The following PPP2R3B variants were observed in gnomAD, a reference collection of about 807,000 sequenced individuals.
PPP2R3B encodes serine/threonine-protein phosphatase 2A regulatory subunit B'' subunit beta.
A neutral mutation model predicts 72.9 loss-of-function variants in PPP2R3B; 68 were observed. That is an observed-to-expected ratio of 0.93 (90% CI 0.77 to 1.14). PPP2R3B has a LOEUF of 1.14. PPP2R3B is among the 50% of genes most tolerant of loss of function. The probability of loss-of-function intolerance (pLI) is 0.00; values close to 1 mark genes in which losing one functional copy is unlikely to be tolerated. For missense variants in PPP2R3B, 1,018 were observed against 842.0 expected (o/e 1.21, Z -2.59); for synonymous variants, 466 against 375.8 (o/e 1.24, Z -2.78).
chrX:336,358 G>A (rs2070889192), intron 12 of PPP2R3B: 3 of 152,212 alleles, frequency 2.0e-5, no homozygotes, highest in East Asian at 1.9e-4. Context: ...CCCCCACTGC[G>A]AGAAAGCCCC....
intron 4 of PPP2R3B, 96 bp downstream of exon 4, chrX:347,138 G>T (rs1194026410): frequency 2.5e-6 from 3 of 1,180,516 alleles, no homozygotes; most frequent in Non-Finnish European, 3.8e-6. Flanking sequence ...GGGATGAGGC[G>T]TGTGGTGTAG....
Position 361,471 on chromosome X carries a change from G to T in PPP2R3B, c.444C>A (p.Ile148=), listed in dbSNP as rs778150774. 17 of 1,613,870 alleles carry T rather than the reference G, an allele frequency of 1.1e-5. No homozygotes were observed. Among genetic ancestry groups the T allele is most frequent in the African/African-American group, 9.3e-5 (7 of 74,928 alleles). ...SVNVDAVISK[I]ESTFARFPHE... is the part of the protein sequence containing the mutation. Reference sequence around the variant, plus strand: ...GGGGGAACCGGGCGAAGGTGCTCTCGATCTTGCTGATGACGGCATCCACGT... The same window carrying T: ...GGGGGAACCGGGCGAAGGTGCTCTCTATCTTGCTGATGACGGCATCCACGT... Residue 148 remains isoleucine (I), a synonymous_variant, in exon 2 of 13, where the codon ATC becomes ATA. Transcript: ENST00000390665.
chrX:359,071 T>C (rs2071492815), intron 2 of PPP2R3B, among the ~76,000 whole-genome samples: 2 of 152,126 alleles, frequency 1.3e-5, no homozygotes, highest in African/African-American at 4.8e-5. Flanking sequence ...GCGAGCGGCT[T>C]TGTAGGACCC....
intron 1 of PPP2R3B, among the ~76,000 whole-genome samples, chrX:380,911 C>T (rs1357834832): frequency 2.0e-5 from 3 of 150,726 alleles, no homozygotes; most frequent in African/African-American, 7.3e-5. Flanking sequence ...CTTGCAGCAT[C>T]AGCCCATCGA....
At chrX:345,778 C>A (rs963829979) in intron 6 of PPP2R3B, 106 bp from the exon 7 acceptor site, 1 of 214,560 alleles carries the variant, frequency 4.7e-6, no homozygotes, top group African/African-American at 3.9e-5. Flanking sequence ...GGGGCCGCTC[C>A]GTGGGTGGGG....
At chrX:381,833 T>C (rs1052044922) in intron 1 of PPP2R3B, among the ~76,000 whole-genome samples, 5 of 151,772 alleles carry the variant, frequency 3.3e-5, no homozygotes, top group Admixed American at 2.0e-4. Flanking sequence ...CTCCTGACCT[T>C]GTGATCCGCC....
chrX:384,261 A>ACTCTCT (rs766359373), intron 1 of PPP2R3B, among the ~76,000 whole-genome samples: 5 of 142,454 alleles, frequency 3.5e-5, no homozygotes, highest in Admixed American at 7.0e-5. Context: ...ACGCAAGAAG[A>ACTCTCT]CTCTCTCTCT....
chrX:356,819 A>ACACAGAGAGCCC (rs1569397697), intron 2 of PPP2R3B, among the ~76,000 whole-genome samples: 1 of 120,866 alleles, frequency 8.3e-6, no homozygotes, highest in Non-Finnish European at 1.8e-5. Flanking sequence ...CTGGCCAGCC[A>ACACAGAGAGCCC]CACGGGAGCC....
At position 346,201 on chromosome X, in the gene PPP2R3B, G is replaced by C; in HGVS notation, c.852C>G (p.Ala284=). 2 of 1,566,828 alleles carry C rather than the reference G, an allele frequency of 1.3e-6. No individual in the cohort carries two copies. The highest frequency in any genetic ancestry group is 2.4e-5 in the East Asian group (1 of 41,978). The part of the protein sequence containing the change: ...NRSWSGRITC[A]ELRRSSFLQN... ...GCAGGAAGGAGCTCCTCCGCAGCTC[G>C]GCGCAGGTGATCCTGCCGGACCAGG... Residue 284 remains alanine (A), a synonymous_variant, in exon 6 of 13, where the codon GCC becomes GCG. Transcript: ENST00000390665.
chrX:364,192 C>T (rs1000709142), intron 1 of PPP2R3B, among the ~76,000 whole-genome samples: 2 of 152,214 alleles, frequency 1.3e-5, no homozygotes, highest in Non-Finnish European at 2.9e-5. Flanking sequence ...GCGTCACCTT[C>T]AGTGGGAAGA....
At position 361,570 on chromosome X, in the gene PPP2R3B, C is replaced by T. The variant is rs2071541984; in HGVS notation, c.345G>A (p.Glu115=). The change falls in exon 2 of 13, where the codon GAG becomes GAA. Residue 115 remains glutamate (E), a synonymous_variant. Transcript: ENST00000390665. ...GTRVVQTRKE[E]PLPPATSQSI... is the part of the protein sequence containing the mutation. ...TTTGGCTCGTGGCCGGGGGCAGAGG[C>T]TCTTCTTTCCGTGTCTGAACCTGAA... is the stretch of plus-strand genomic sequence containing the variant. 4 of 1,613,954 alleles carry T rather than the reference C, an allele frequency of 2.5e-6. No individual in the cohort carries two copies. Among genetic ancestry groups the T allele is most frequent in the Non-Finnish European group, 3.4e-6 (4 of 1,179,828 alleles).
chrX:350,527 AG>A (rs1383843741), intron 2 of PPP2R3B, among the ~76,000 whole-genome samples: 12 of 149,492 alleles, frequency 8.0e-5, no homozygotes, highest in African/African-American at 3.1e-4. Context: ...AGTGAGAAAG[AG>A]GCCCGAACAC....
intron 4 of PPP2R3B, 133 bp downstream of exon 4, chrX:347,101 G>T: frequency 9.1e-7 from 1 of 1,098,492 alleles, no homozygotes; most frequent in South Asian, 1.3e-5. Flanking sequence ...CATGAGGTGT[G>T]CGGTGTAGAC....
Position 334,478 on chromosome X carries a change from A to C in PPP2R3B, c.1617T>G (p.Ser539Arg). 1 of 1,586,658 alleles carries C rather than the reference A, an allele frequency of 6.3e-7. No individual in the cohort carries two copies. The change falls in exon 13 of 13, where the codon AGT (serine) becomes AGG (arginine). Residue 539 changes from serine (S) to arginine (R), a missense_variant. By Grantham distance (110) the Ser-to-Arg change is moderately radical. Coordinates refer to ENST00000390665, the MANE Select transcript of PPP2R3B (RefSeq NM_013239.5). ...AELSPVEQKL[S>R]ALRSPLAQRP... is the part of the protein sequence containing the mutation. ...TCTGGGCCAGCGGGGAGCGCAGCGC[A>C]CTCAGCTTCTGCTCCACAGGGCTGA...
At chrX:342,290 G>T (rs1490092184) in intron 7 of PPP2R3B, 1 of 407,828 alleles carries the variant, frequency 2.5e-6, no homozygotes, top group Non-Finnish European at 4.5e-6. Flanking sequence ...TCACCAACGG[G>T]AGACGGGAGT....
chrX:346,447 G>C (rs754183375), intron 5 of PPP2R3B, 187 bp from the exon 6 acceptor site: 11 of 648,736 alleles, frequency 1.7e-5, no homozygotes, highest in South Asian at 6.0e-5. Context: ...AGCGGGGAGG[G>C]TCTGGCCGGG....
At chrX:349,261 G>A (rs2071281749) in intron 2 of PPP2R3B, among the ~76,000 whole-genome samples, 1 of 152,078 alleles carries the variant, frequency 6.6e-6, no homozygotes, top group Non-Finnish European at 1.5e-5. Flanking sequence ...GGACGCAGCG[G>A]GAAGGCGCCG....
Position 361,555 on chromosome X carries a change from G to A in PPP2R3B, c.360C>T (p.Ala120=), listed in dbSNP as rs770785514. ...QTRKEEPLPP[A]TSQSIPTFYF... ...AGAAGGTCGGAATGCTTTGGCTCGT[G>A]GCCGGGGGCAGAGGCTCTTCTTTCC... Residue 120 remains alanine, a synonymous_variant, in exon 2 of 13, where the codon GCC becomes GCT. Coordinates refer to ENST00000390665, the MANE Select transcript of PPP2R3B (RefSeq NM_013239.5). The A allele has an allele frequency of 1.2e-6, 2 of 1,613,996 alleles. No homozygotes were observed. The highest frequency in any genetic ancestry group is 3.3e-5 in the Admixed American group (2 of 60,028).
chrX:385,279 GTCTCA>G (rs1482512436), intron 1 of PPP2R3B, among the ~76,000 whole-genome samples: 1 of 144,318 alleles, frequency 6.9e-6, no homozygotes, highest in Non-Finnish European at 1.5e-5. Context: ...ATAAATTCCC[GTCTCA>G]TCTTTTCTTC....
Sources: gnomAD v4.1 joint callset for allele counts (sites outside exome capture counted in the v4.1 genomes callset) on GRCh38, gnomAD v4.1.1 for gene constraint, MANE v1.5 for transcripts, NCBI Gene and HGNC (gene_info 2026-07-23, HGNC 2026-07-21) for gene names.